Variants in NCOA2 observed in about 807,000 individuals in gnomAD.
NCOA2 encodes the protein class E basic helix-loop-helix protein 75.
In NCOA2, 21 loss-of-function variants were observed where a neutral mutation model predicts 145.1. The observed-to-expected ratio is 0.14, with a 90% CI of 0.10 to 0.21. NCOA2 has a LOEUF of 0.21. NCOA2 is among the 10% of genes least tolerant of loss of function. The pLI, the probability that NCOA2 is intolerant of heterozygous loss-of-function variation, is 1.00. For synonymous variants in NCOA2, 619 were observed against 637.5 expected, an observed-to-expected ratio of 0.97 and a Z score of 0.44; for missense variants, 1,472 against 1,837.6, an observed-to-expected ratio of 0.80 and a Z score of 3.64.
At chr8:70,403,890 A>C (rs1442050784), upstream of NCOA2, 5 of 336,620 alleles carry the variant, frequency 1.5e-5, no homozygotes, top group East Asian at 2.2e-4. Context: ...GCGTCTCCGC[A>C]CTTGCGGAGA....
At chr8:70,346,910 G>T (rs975601516) in intron 1 of NCOA2, among the ~76,000 whole-genome samples, 1 of 152,152 alleles carries the variant, frequency 6.6e-6, no homozygotes, top group African/African-American at 2.4e-5. Flanking sequence ...TAATGGACAG[G>T]TTAATCATGA....
chr8:70,204,764 G>A (rs1222269288), intron 4 of NCOA2, among the ~76,000 whole-genome samples: 1 of 152,108 alleles, frequency 6.6e-6, no homozygotes, highest in Non-Finnish European at 1.5e-5. Flanking sequence ...GGACAAGGAG[G>A]GCAGATCACC....
chr8:70,450,441 C>T, the NCOA2 span, among the ~76,000 whole-genome samples: 38 of 152,212 alleles, frequency 2.5e-4, 1 homozygote, highest in East Asian at 5.4e-3. Flanking sequence ...CTGAATTTGC[C>T]GGTAACTTGA....
intron 13 of NCOA2, among the ~76,000 whole-genome samples, chr8:70,142,097 C>T (rs1200635038): frequency 6.6e-6 from 1 of 152,220 alleles, no homozygotes; most frequent in Non-Finnish European, 1.5e-5. Context: ...CGTAACGCTG[C>T]TAAGCAGGAC....
chr8:70,144,875 A>G lies in NCOA2; in HGVS notation c.2606-27T>C, dbSNP rs769554887. On this transcript the variant is annotated intron_variant, in intron 12 of 22. Coordinates refer to ENST00000452400, the MANE Select transcript of NCOA2 (RefSeq NM_006540.4). ...TAAGGAGAAAACAAATGAAAATTGAAGGTTAATATAGGATAATGGAAAATA... is the reference window on the plus strand; with the variant it reads ...TAAGGAGAAAACAAATGAAAATTGAGGGTTAATATAGGATAATGGAAAATA... The G allele has an allele frequency of 1.0e-5, 16 of 1,564,796 alleles. No individual in the cohort carries two copies. In the South Asian group the frequency reaches 1.8e-4, roughly 17 times the overall value.
chr8:70,239,476 TCTA>T (rs1157059157), intron 2 of NCOA2, among the ~76,000 whole-genome samples: 1 of 152,160 alleles, frequency 6.6e-6, no homozygotes, highest in Non-Finnish European at 1.5e-5. Flanking sequence ...TCCACTGCAC[TCTA>T]TTCTGGACCA....
At chr8:70,126,694 G>C in intron 19 of NCOA2, 119 bp downstream of exon 19, 1 of 889,170 alleles carries the variant, frequency 1.1e-6, no homozygotes, top group Non-Finnish European at 1.8e-6. Flanking sequence ...TCATTCCCTG[G>C]TTAGCCAGAT....
At chr8:70,319,091 T>C (rs1805843682) in intron 1 of NCOA2, among the ~76,000 whole-genome samples, 1 of 152,156 alleles carries the variant, frequency 6.6e-6, no homozygotes, top group African/African-American at 2.4e-5. Flanking sequence ...AGTACAAATT[T>C]AGGGTTGCCT....
chr8:70,238,154 G>A (rs76532836), intron 2 of NCOA2, among the ~76,000 whole-genome samples: 1,571 of 152,032 alleles, frequency 0.01, 25 homozygotes, highest in African/African-American at 0.032. Context: ...GTGCACACGC[G>A]CGCGCGCGCG....
intron 1 of NCOA2, among the ~76,000 whole-genome samples, chr8:70,394,298 G>A (rs753583284): frequency 1.3e-5 from 2 of 152,146 alleles, no homozygotes; most frequent in Non-Finnish European, 2.9e-5. Context: ...TGGGATTACA[G>A]GTGCCCGCCA....
At chr8:70,344,327 T>A (rs572434268) in intron 1 of NCOA2, among the ~76,000 whole-genome samples, 1 of 152,282 alleles carries the variant, frequency 6.6e-6, no homozygotes, top group African/African-American at 2.4e-5. Flanking sequence ...TGAGAGAAGA[T>A]AGACATGGGT....
At chr8:70,161,044 T>G (rs749806730) in intron 9 of NCOA2, among the ~76,000 whole-genome samples, 11 of 152,230 alleles carry the variant, frequency 7.2e-5, no homozygotes, top group Non-Finnish European at 1.0e-4. Context: ...CTCTGAAAAG[T>G]AGGTATCTGT....
intron 4 of NCOA2, among the ~76,000 whole-genome samples, chr8:70,201,543 A>C (rs565038884): frequency 5.3e-5 from 8 of 152,346 alleles, no homozygotes; most frequent in African/African-American, 1.9e-4. Flanking sequence ...GAGGATAAAA[A>C]CACAAGCTCC....
At chr8:70,344,393 C>G (rs950273130) in intron 1 of NCOA2, among the ~76,000 whole-genome samples, 4 of 152,236 alleles carry the variant, frequency 2.6e-5, no homozygotes, top group African/African-American at 9.6e-5. Flanking sequence ...AAGCAGTTCT[C>G]AGCCCAAGCC....
At chr8:70,177,125 C>G (rs1265613871) in intron 4 of NCOA2, among the ~76,000 whole-genome samples, 4 of 152,162 alleles carry the variant, frequency 2.6e-5, no homozygotes, top group Non-Finnish European at 5.9e-5. Context: ...TCAGGGGTCA[C>G]ATTCTCCCAT....
chr8:70,149,901 G>A (rs1811556475), intron 11 of NCOA2, among the ~76,000 whole-genome samples: 1 of 152,082 alleles, frequency 6.6e-6, no homozygotes, highest in South Asian at 2.1e-4. Context: ...GAAATACATG[G>A]CATACATCTA....
At chr8:70,310,767 C>T (rs1403030405) in intron 1 of NCOA2, among the ~76,000 whole-genome samples, 1 of 152,150 alleles carries the variant, frequency 6.6e-6, no homozygotes, top group Non-Finnish European at 1.5e-5. Context: ...ATTCCAGTGA[C>T]TAAAATAATT....
intron 1 of NCOA2, among the ~76,000 whole-genome samples, chr8:70,324,053 T>A (rs926262110): frequency 1.3e-5 from 2 of 152,156 alleles, no homozygotes; most frequent in Non-Finnish European, 2.9e-5. Context: ...TGAAAATCCG[T>A]CTTAATAAAG....
Position 70,195,939 on chromosome 8 carries a change from T to A in NCOA2, c.259+17964A>T, listed in dbSNP as rs568170029. Among the ~76,000 whole-genome samples the A allele has an allele frequency of 2.0e-5, 3 of 152,360 alleles. No individual in the cohort carries two copies. The South Asian group carries it at 6.2e-4, about 32-fold the overall frequency. ...GAGTGGCCCAGAAGGAACAGCATTA[T>A]AGGGGACATCATTCATTGAACCCCA... is the stretch of plus-strand genomic sequence containing the variant. On this transcript the variant is annotated intron_variant, in intron 4 of 22. Transcript: ENST00000452400.
Sources: gnomAD v4.1 joint callset for allele counts (sites outside exome capture counted in the v4.1 genomes callset) on GRCh38, gnomAD v4.1.1 for gene constraint, MANE v1.5 for transcripts, NCBI Gene and HGNC (gene_info 2026-07-23, HGNC 2026-07-21) for gene names.